The following BRD2 variants were observed in gnomAD, a reference collection of about 807,000 sequenced individuals.
BRD2 encodes the protein bromodomain-containing protein 2.
A neutral mutation model predicts 79.1 loss-of-function variants in BRD2; 15 were observed. The observed-to-expected ratio is 0.19, with a 90% CI of 0.13 to 0.29. The LOEUF (loss-of-function observed/expected upper bound fraction) is 0.29, where lower values mean the gene tolerates loss of function less well. BRD2 is among the 10% of genes least tolerant of loss of function. The pLI is 1.00. For synonymous variants in BRD2, 488 were observed against 358.6 expected, an observed-to-expected ratio of 1.36 and a Z score of -4.08; for missense variants, 1,053 against 991.3, an observed-to-expected ratio of 1.06 and a Z score of -0.84.
rs1779358480 is a variant in BRD2, at chr6:32,980,366, C to G, written c.2171C>G (p.Thr724Arg). The G allele has an allele frequency of 6.2e-7, 1 of 1,612,830 alleles. No individual in the cohort carries two copies. The highest frequency in any genetic ancestry group is 1.7e-5 in the Admixed American group (1 of 59,986). ...PYTIKKPVGKTKEELALEKKR... is the reference protein window; with the variant it reads ...PYTIKKPVGKRKEELALEKKR... ...GCCATTAAGAAGCCTGTGGGAAAGACAAAGGAGGAACTGGCTTTGGAGAAA... is the reference window on the plus strand; with the variant it reads ...GCCATTAAGAAGCCTGTGGGAAAGAGAAAGGAGGAACTGGCTTTGGAGAAA... The change falls in exon 12 of 13, where the codon ACA (threonine) becomes AGA (arginine). Residue 724 changes from threonine (T) to arginine (R), a missense_variant. By Grantham distance (71) the Thr-to-Arg change is moderately conservative. This residue lies in a region of BRD2 where 139 missense variants were observed against 133.2 expected (regional missense o/e 1.04). Transcript: ENST00000374825.
Position 32,971,968 on chromosome 6 carries a change from G to A in BRD2, c.-931G>A, listed in dbSNP as rs1778041390. The A allele has an allele frequency of 2.8e-6, 2 of 702,756 alleles. No individual in the cohort carries two copies. Among genetic ancestry groups the A allele is most frequent in the African/African-American group, 3.5e-5 (2 of 57,204 alleles). 43.5% of individuals were successfully genotyped at this position (702,756 alleles called of 1,614,324 possible). A position where few individuals can be genotyped will look rare whatever the true frequency, so the allele number is the denominator to read the frequency against. On this transcript the variant is annotated 5_prime_UTR_variant, in exon 2 of 13. The change creates a premature stop within an existing upstream ORF in the 5' untranslated region. Coordinates refer to ENST00000374825, the MANE Select transcript of BRD2 (RefSeq NM_005104.4). ...GGGTCTCTGCGGCACTCTTCTGCCTGGTGACTGACACCTTGGAAATGAAGT... is the reference window on the plus strand; with the variant it reads ...GGGTCTCTGCGGCACTCTTCTGCCTAGTGACTGACACCTTGGAAATGAAGT...
chr6:32,976,713 C>T lies in BRD2; in HGVS notation c.977C>T (p.Pro326Leu). ...MRRESGRPIK[P>L]PRKDLPDSQQ... ...AGAGAGAGTGGTCGCCCCATCAAGC[C>T]CCCACGCAAAGACTTGCCTGACTCT... The change falls in exon 7 of 13, where the codon CCC becomes CTC. Residue 326 changes from proline (P) to leucine (L), a missense_variant. Physicochemically the swap from Pro to Leu is moderately conservative, Grantham distance 98 (BLOSUM62 -3). Around this residue, in one of 5 missense-constraint regions of BRD2, gnomAD observed 454 missense variants for 430.5 expected, o/e 1.05. Transcript: ENST00000374825. 6.2e-7 allele frequency: 1 copy of T among 1,612,902 alleles called. No individual in the cohort carries two copies. The highest frequency in any genetic ancestry group is 8.5e-7 in the Non-Finnish European group (1 of 1,179,928).
chr6:32,970,383 G>A (rs1293510011), intron 1 of BRD2: 1 of 152,364 alleles, frequency 6.6e-6, no homozygotes, highest in Admixed American at 6.6e-5. Flanking sequence ...TGCCCTACTC[G>A]GGGGGTCAGA....
At chr6:32,979,798 T>G (rs577657857) in intron 10 of BRD2, 30 bp from the exon 11 acceptor site, 116 of 1,597,970 alleles carry the variant, frequency 7.3e-5, no homozygotes, top group Non-Finnish European at 8.4e-5. Flanking sequence ...TAATGAAGCT[T>G]CTTTTGCTGA....
rs3841159 is a variant in BRD2 at position 32,981,174 on chromosome 6, AT to A, written c.*467del. The A allele has an allele frequency of 0.087, 13,051 of 149,338 alleles. 613 individuals carry two copies. The highest frequency in any genetic ancestry group is 0.19 in the East Asian group (974 of 5,122). The allele number at this position is 149,338 out of a possible 1,614,324, so 9.3% of individuals were successfully genotyped here. The stretch of plus-strand genomic sequence containing the variant: ...AAGGGGGAGCTCTTTTTTTACGTTG[AT>A]TTTTTTTTTTCTACTCTGTTTTCCC... On this transcript the variant is annotated 3_prime_UTR_variant, in exon 13 of 13. Coordinates refer to ENST00000374825, the MANE Select transcript of BRD2 (RefSeq NM_005104.4).
At position 32,971,948 on chromosome 6, in the gene BRD2, T is replaced by C. The variant is rs1778037386; in HGVS notation, c.-951T>C. ...GCGGGTTGCCACTTCCCTGTGGGTC[T>C]CTGCGGCACTCTTCTGCCTGGTGAC... On this transcript the variant is annotated 5_prime_UTR_variant, in exon 2 of 13. Transcript: ENST00000374825. 1 of 702,922 alleles carries C rather than the reference T, an allele frequency of 1.4e-6. No homozygotes were observed. The highest frequency in any genetic ancestry group is 2.6e-6 in the Non-Finnish European group (1 of 384,974). The allele number at this position is 702,922 out of a possible 1,614,324, so 43.5% of individuals were successfully genotyped here.
At chr6:32,977,154 T>A in intron 7 of BRD2, 1 of 1,322,540 alleles carries the variant, frequency 7.6e-7, no homozygotes, top group Non-Finnish European at 1.0e-6. Context: ...AAAAATACTG[T>A]CTATAATTAA....
chr6:32,975,542 A>C, intron 4 of BRD2, 21 bp downstream of exon 4: 1 of 1,610,458 alleles, frequency 6.2e-7, no homozygotes, highest in Non-Finnish European at 8.5e-7. Context: ...CTGTGTGTTC[A>C]TTTAGTAGGT....
At chr6:32,973,842 C>CT (rs1554142899) in intron 2 of BRD2, among the ~76,000 whole-genome samples, 4 of 152,110 alleles carry the variant, frequency 2.6e-5, no homozygotes, top group South Asian at 2.1e-4. Context: ...GCTGTGAAGT[C>CT]TGACAAATTC....
intron 2 of BRD2, among the ~76,000 whole-genome samples, chr6:32,974,060 A>G (rs183411482): frequency 2.7e-4 from 41 of 152,186 alleles, no homozygotes; most frequent in African/African-American, 9.6e-4. Context: ...CTCAACCACC[A>G]TGGCAACCAC....
intron 10 of BRD2, 98 bp downstream of exon 10, chr6:32,978,486 CAG>C: frequency 6.5e-7 from 1 of 1,529,426 alleles, no homozygotes; most frequent in Non-Finnish European, 8.8e-7. Context: ...GGCCAGTTAA[CAG>C]ATACAATAGG....
chr6:32,976,305 A>T lies in BRD2; in HGVS notation c.666A>T (p.Ser222=). The T allele has an allele frequency of 1.2e-6, 2 of 1,612,906 alleles. No homozygotes were observed. The highest frequency in any genetic ancestry group is 1.7e-6 in the Non-Finnish European group (2 of 1,179,998). Reference sequence around the variant, plus strand: ...AGGTGCCTGCCGTCTCTTCTGTGTCACACACAGCCCTGTATACTCCTCCAC... The same window carrying T: ...AGGTGCCTGCCGTCTCTTCTGTGTCTCACACAGCCCTGTATACTCCTCCAC... ...AHQVPAVSSV[S]HTALYTPPPE... The change falls in exon 6 of 13, where the codon TCA becomes TCT. Residue 222 remains serine, a synonymous_variant. Transcript: ENST00000374825.
chr6:32,975,285 GGT>G (rs61324180), intron 3 of BRD2, 97 bp from the exon 4 acceptor site: 1,533 of 689,996 alleles, frequency 2.2e-3, no homozygotes, highest in East Asian at 5.3e-3. Flanking sequence ...GCATAGGGGG[GGT>G]GTGTGTGTGT....
Position 32,972,285 on chromosome 6 carries a change from C to T in BRD2, c.-614C>T, listed in dbSNP as rs1778112466. The T allele has an allele frequency of 2.4e-6, 1 of 416,596 alleles. No individual in the cohort carries two copies. The highest frequency in any genetic ancestry group is 5.6e-5 in the East Asian group (1 of 17,808). The allele number at this position is 416,596 out of a possible 1,614,324, so 25.8% of individuals were successfully genotyped here. A position where few individuals can be genotyped will look rare whatever the true frequency, so the allele number is the denominator to read the frequency against. ...AGAGCCTTCGAGTCGTCCGGGGCCG[C>T]CATTACAATCCACCTCCATCCGCTT... On this transcript the variant is annotated 5_prime_UTR_variant, in exon 2 of 13. Coordinates refer to ENST00000374825, the MANE Select transcript of BRD2 (RefSeq NM_005104.4).
intron 11 of BRD2, 21 bp downstream of exon 11, chr6:32,980,153 A>C: frequency 6.2e-7 from 1 of 1,604,740 alleles, no homozygotes; most frequent in East Asian, 2.2e-5. Context: ...AATGAGGTTC[A>C]TCTCATGGTT....
intron 10 of BRD2, chr6:32,979,446 T>A (rs1779240313): frequency 4.2e-6 from 1 of 236,696 alleles, no homozygotes; most frequent in Non-Finnish European, 8.3e-6. Flanking sequence ...CAGGTATACC[T>A]TGTTTTATTG....
Position 32,977,982 on chromosome 6 carries a change from C to T in BRD2, c.1555C>T (p.Arg519Cys), listed in dbSNP as rs1478384032. ...SSDSEEERAH[R>C]LAELQEQLRA... ...AGACTCAGAGGAAGAAAGGGCTCAT[C>T]GCTTAGCAGAACTACAGGAACAGGT... is the stretch of plus-strand genomic sequence containing the variant. The change falls in exon 9 of 13, where the codon CGC becomes TGC. Residue 519 changes from arginine (R) to cysteine (C), a missense_variant. Transcript: ENST00000374825. 5 of 1,610,904 alleles carry T rather than the reference C, an allele frequency of 3.1e-6. No homozygotes were observed. The highest frequency in any genetic ancestry group is 4.2e-6 in the Non-Finnish European group (5 of 1,180,004).
At position 32,977,492 on chromosome 6, in the gene BRD2, T is replaced by C. The variant is rs769198544; in HGVS notation, c.1251T>C (p.Asp417=). ...DYRDAQEFAA[D]VRLMFSNCYK... ...GGGATGCACAGGAGTTTGCTGCTGA[T>C]GTACGGCTTATGTTCTCCAACTGCT... Residue 417 remains aspartate, a synonymous_variant, in exon 8 of 13, where the codon GAT becomes GAC. Coordinates refer to ENST00000374825, the MANE Select transcript of BRD2 (RefSeq NM_005104.4). The C allele has an allele frequency of 4.3e-6, 7 of 1,613,942 alleles. No homozygotes were observed. In the African/African-American group the frequency reaches 8.0e-5, roughly 18 times the overall value.
At chr6:32,974,008 A>T (rs1022726529) in intron 2 of BRD2, among the ~76,000 whole-genome samples, 1 of 151,950 alleles carries the variant, frequency 6.6e-6, no homozygotes. Context: ...ATTTTATGGA[A>T]TTTTTTATAG....
Sources: gnomAD v4.1 joint callset for allele counts (sites outside exome capture counted in the v4.1 genomes callset) on GRCh38, gnomAD v4.1.1 for gene constraint, gnomAD v4.1.1 regional missense constraint, MANE v1.5 for transcripts, NCBI Gene and HGNC (gene_info 2026-07-23, HGNC 2026-07-21) for gene names.